Variants in ATRN observed in about 807,000 individuals in gnomAD.
The protein encoded by ATRN is attractin.
A neutral mutation model predicts 178.7 loss-of-function variants in ATRN; 54 were observed. The ratio of observed to expected loss-of-function variants is 0.30; its 90% CI spans 0.24 to 0.38. The LOEUF is 0.38. Ranked by LOEUF, ATRN falls within the 10% of genes least tolerant of loss-of-function variation. ATRN has a pLI of 1.00. For synonymous variants in ATRN, 636 were observed against 663.0 expected (o/e 0.96, Z 0.63); for missense variants, 1,443 against 1,815.1 (o/e 0.79, Z 3.73).
At chr20:3,622,757 A>G (rs182932060) in intron 24 of ATRN, among the ~76,000 whole-genome samples, 18 of 152,346 alleles carry the variant, frequency 1.2e-4, no homozygotes, top group Non-Finnish European at 2.1e-4. Context: ...AACTAAGAGG[A>G]TCCCTTTAAA....
At chr20:3,594,761 C>T (rs1351317229) in intron 20 of ATRN, among the ~76,000 whole-genome samples, 189 bp downstream of exon 20, 1 of 152,158 alleles carries the variant, frequency 6.6e-6, no homozygotes, top group Admixed American at 6.5e-5. Flanking sequence ...AGGAGGTCGT[C>T]GAGTTAGCAG....
At chr20:3,541,373 G>A (rs550531871) in intron 3 of ATRN, among the ~76,000 whole-genome samples, 41 of 152,252 alleles carry the variant, frequency 2.7e-4, no homozygotes, top group Non-Finnish European at 3.7e-4. Context: ...CACCGCGCCC[G>A]GCCTAGAGGA....
rs571685824 is a variant in ATRN at position 3,528,574 on chromosome 20, C to T, written c.411-6679C>T. On this transcript the variant is annotated intron_variant, in intron 1 of 28. Transcript: ENST00000262919. ...ATGGACACAAGGGAGCAACAGACAC[C>T]GGGACCTGCTTGAGGGTGGAGAGTG... 2.5e-4 allele frequency among the ~76,000 whole-genome samples: 38 copies of T among 151,970 alleles called. 1 individual carries two copies. In the South Asian group the frequency reaches 7.3e-3, roughly 29 times the overall value.
At chr20:3,490,048 G>C in intron 1 of ATRN, 1 of 1,112,204 alleles carries the variant, frequency 9.0e-7, no homozygotes, top group Non-Finnish European at 1.4e-6. Context: ...ATAGATCTGG[G>C]CTTCTAGAAA....
rs574182546 is a variant in ATRN, at chr20:3,540,517, G to A, written c.608+182G>A. Among the ~76,000 whole-genome samples the A allele has an allele frequency of 2.6e-5, 4 of 152,280 alleles. No individual in the cohort carries two copies. The South Asian group carries it at 8.3e-4, about 32-fold the overall frequency. On this transcript the variant is annotated intron_variant, in intron 3 of 28. Transcript: ENST00000262919. Reference sequence around the variant, plus strand: ...GTGCTAACTTGGTTTCTGTAGCCCTGGGTAAGTTTCTAGGCATAGTACTTG... The same window carrying A: ...GTGCTAACTTGGTTTCTGTAGCCCTAGGTAAGTTTCTAGGCATAGTACTTG...
In ATRN at chr20:3,583,748, C is replaced by T. The variant is rs550661123; in HGVS notation, c.2765-150C>T. On this transcript the variant is annotated intron_variant, in intron 16 of 28. Transcript: ENST00000262919. ...ACTTGAACCGGGGAGGCGGAGGTTG[C>T]AGTGAGCCGAAATTGTGCCACTGCA... 73 of 710,646 alleles carry T rather than the reference C, an allele frequency of 1.0e-4. 1 individual carries two copies. In the South Asian group the frequency reaches 1.5e-3, roughly 14 times the overall value. 44.0% of individuals were successfully genotyped at this position (710,646 alleles called of 1,614,324 possible).
intron 6 of ATRN, among the ~76,000 whole-genome samples, chr20:3,551,252 A>T (rs538635061): frequency 6.6e-6 from 1 of 152,310 alleles, no homozygotes; most frequent in Non-Finnish European, 1.5e-5. Flanking sequence ...TTTAGCACTG[A>T]GTCTTGTATC....
chr20:3,492,688 C>T (rs1020084068), intron 1 of ATRN, among the ~76,000 whole-genome samples: 31 of 151,914 alleles, frequency 2.0e-4, no homozygotes, highest in Admixed American at 9.2e-4. Context: ...CAACGTTTTG[C>T]GCATGGGAGA....
chr20:3,534,912 G>A (rs1460881945), intron 1 of ATRN, among the ~76,000 whole-genome samples: 1 of 152,178 alleles, frequency 6.6e-6, no homozygotes, highest in Non-Finnish European at 1.5e-5. Flanking sequence ...TTTGAGACCA[G>A]CGTGGGCAAC....
chr20:3,490,458 C>T lies in ATRN; in HGVS notation c.410+18941C>T, dbSNP rs6051895. The T allele has an allele frequency of 0.017, 16,043 of 956,160 alleles. 989 individuals are homozygous for T. In the African/African-American group the frequency reaches 0.17, roughly 10 times the overall value. The allele number at this position is 956,160 out of a possible 1,614,324, so 59.2% of individuals were successfully genotyped here. ...AATCCTGAAGTTACTCAAGCAGCAT[C>T]TCTAGGTATCTCTTATACTCTGCAT... On this transcript the variant is annotated intron_variant, in intron 1 of 28. Transcript: ENST00000262919.
chr20:3,529,425 A>C (rs2146168323), intron 1 of ATRN, among the ~76,000 whole-genome samples: 1 of 152,364 alleles, frequency 6.6e-6, no homozygotes, highest in East Asian at 1.9e-4. Flanking sequence ...AAAGCCTATA[A>C]TTACGTAATC....
chr20:3,647,079 G>A lies in ATRN; in HGVS notation c.*232G>A, dbSNP rs2087113414. 1 of 456,460 alleles carries A rather than the reference G, an allele frequency of 2.2e-6. No individual in the cohort carries two copies. The highest frequency in any genetic ancestry group is 2.9e-5 in the South Asian group (1 of 34,970). The allele number at this position is 456,460 out of a possible 1,614,324, so 28.3% of individuals were successfully genotyped here. ...TAGGAAATACTTGATTTAATTACAG[G>A]TCCAGGGATGAGCTGATGGTTGCTG... On this transcript the variant is annotated 3_prime_UTR_variant, in exon 29 of 29. Transcript: ENST00000262919.
chr20:3,476,829 C>T (rs1213274142), intron 1 of ATRN, among the ~76,000 whole-genome samples: 1 of 152,204 alleles, frequency 6.6e-6, no homozygotes, highest in African/African-American at 2.4e-5. Context: ...CATTGCACTC[C>T]AGCCTGGACA....
intron 1 of ATRN, among the ~76,000 whole-genome samples, chr20:3,501,291 A>AT (rs994118543): frequency 4.6e-5 from 7 of 152,234 alleles, no homozygotes; most frequent in African/African-American, 2.4e-5. Context: ...AACTCATGGT[A>AT]TTTTTTCTTT....
At chr20:3,562,177 C>A in intron 8 of ATRN, 99 bp from the exon 9 acceptor site, 1 of 983,620 alleles carries the variant, frequency 1.0e-6, no homozygotes. Flanking sequence ...TGTATCAGGT[C>A]TCCTGAAATC....
Position 3,540,215 on chromosome 20 carries a change from T to G in ATRN, c.495-7T>G, listed in dbSNP as rs1449905920. 6.6e-7 allele frequency: 1 copy of G among 1,525,234 alleles called. No homozygotes were observed. 94.5% of individuals were successfully genotyped at this position (1,525,234 alleles called of 1,614,324 possible). A position where few individuals can be genotyped will look rare whatever the true frequency, so the allele number is the denominator to read the frequency against. On this transcript the variant is annotated splice_polypyrimidine_tract_variant and splice_region_variant and intron_variant, in intron 2 of 28. Coordinates refer to ENST00000262919, the MANE Select transcript of ATRN (RefSeq NM_139321.3). ...TTATTATAAATTACTTTTTTTATTC[T>G]TTTCAGGCCAAATAGAATAATGAGA...
chr20:3,545,613 A>G (rs192466796), intron 3 of ATRN, 149 bp from the exon 4 acceptor site: 7 of 862,006 alleles, frequency 8.1e-6, no homozygotes, highest in Non-Finnish European at 8.7e-6. Flanking sequence ...CTGATAGGGT[A>G]GCACTGTGTG....
intron 1 of ATRN, among the ~76,000 whole-genome samples, chr20:3,482,476 G>A (rs1037176037): frequency 2.0e-5 from 3 of 152,122 alleles, no homozygotes; most frequent in Admixed American, 6.6e-5. Flanking sequence ...CTATTTGTAA[G>A]CATTTCTCTG....
chr20:3,628,807 C>A, intron 25 of ATRN: 1 of 814,828 alleles, frequency 1.2e-6, no homozygotes. Context: ...ACTCTTCCAG[C>A]CGTCTCTGAC....
Sources: gnomAD v4.1 joint callset for allele counts (sites outside exome capture counted in the v4.1 genomes callset) on GRCh38, gnomAD v4.1.1 for gene constraint, MANE v1.5 for transcripts, NCBI Gene and HGNC (gene_info 2026-07-23, HGNC 2026-07-21) for gene names.